Variants in ITGA11 observed in about 807,000 individuals in gnomAD.
The protein encoded by ITGA11 is integrin subunit alpha 11, also known as integrin alpha-11.
Under a neutral mutation model 141.9 loss-of-function variants are expected in ITGA11, and 97 were observed. The observed-to-expected ratio is 0.68, with a 90% CI of 0.58 to 0.81. ITGA11 has a LOEUF of 0.81. ITGA11 is among the 30% of genes least tolerant of loss of function. ITGA11 has a pLI of 0.00. For missense variants in ITGA11, 1,387 were observed against 1,559.2 expected (o/e 0.89, Z 1.86); for synonymous variants, 658 against 624.6 (o/e 1.05, Z -0.80).
Position 68,311,294 on chromosome 15 carries a change from T to A in ITGA11, c.3083A>T (p.Asp1028Val), listed in dbSNP as rs371943841. The A allele has an allele frequency of 7.0e-6, 11 of 1,561,112 alleles. No homozygotes were observed. In the African/African-American group the frequency reaches 1.5e-4, roughly 21 times the overall value. ...RLLKLRDFLT[D>V]EANTSCNIWG... The stretch of plus-strand genomic sequence containing the variant: ...GGCTCCCAAGGCCATCACCACCTCG[T>A]CCGTGAGGAAGTCCCTCAGCTTCAG... The change falls in exon 25 of 30, where the codon GAC becomes GTC. Residue 1028 changes from aspartate (D) to valine (V), a missense_variant. Asp to Val is a radical substitution (Grantham distance 152). Coordinates refer to ENST00000315757, the MANE Select transcript of ITGA11 (RefSeq NM_001004439.2).
chr15:68,344,553 G>C (rs1239973265), intron 10 of ITGA11, among the ~76,000 whole-genome samples: 1 of 152,050 alleles, frequency 6.6e-6, no homozygotes, highest in Non-Finnish European at 1.5e-5. Flanking sequence ...TAGCTCATCT[G>C]GGATGTTTAT....
intron 2 of ITGA11, among the ~76,000 whole-genome samples, chr15:68,378,451 C>T (rs2140372805): frequency 6.6e-6 from 1 of 152,090 alleles, no homozygotes; most frequent in South Asian, 2.1e-4. Flanking sequence ...TCAAGAGCAG[C>T]CTGGGCAACA....
rs542743258 is a variant in ITGA11 at position 68,325,850 on chromosome 15, T to C, written c.2212-609A>G. Among the ~76,000 whole-genome samples the C allele has an allele frequency of 2.6e-5, 4 of 152,298 alleles. No individual in the cohort carries two copies. In the East Asian group the frequency reaches 7.7e-4, roughly 29 times the overall value. Reference sequence around the variant, plus strand: ...CCCCTTGGAACCTGCAATCCCTGATTATATAAAGGCAGTGGCTGTCAAACC... The same window carrying C: ...CCCCTTGGAACCTGCAATCCCTGATCATATAAAGGCAGTGGCTGTCAAACC... On this transcript the variant is annotated intron_variant, in intron 17 of 29. Coordinates refer to ENST00000315757, the MANE Select transcript of ITGA11 (RefSeq NM_001004439.2). The surrounding 1 kb of genome is among the most constrained non-coding windows in gnomAD (Gnocchi z 5.5).
chr15:68,426,237 A>T (rs1233542862), intron 1 of ITGA11, among the ~76,000 whole-genome samples: 1 of 152,192 alleles, frequency 6.6e-6, no homozygotes, highest in East Asian at 1.9e-4. Flanking sequence ...AGAACACATC[A>T]CGTTGTCATC....
intron 2 of ITGA11, among the ~76,000 whole-genome samples, chr15:68,375,694 C>T (rs1338290301): frequency 1.3e-5 from 2 of 152,204 alleles, no homozygotes; most frequent in East Asian, 1.9e-4. Context: ...ACTCTCCCTC[C>T]ATAAAGTCCT....
intron 1 of ITGA11, among the ~76,000 whole-genome samples, chr15:68,421,638 A>G (rs982077936): frequency 3.3e-4 from 45 of 137,094 alleles, no homozygotes; most frequent in Non-Finnish European, 4.9e-4. Flanking sequence ...TTTTGGGCTG[A>G]GCAGAGTGGG....
intron 1 of ITGA11, among the ~76,000 whole-genome samples, chr15:68,426,054 G>A (rs548488184): frequency 5.5e-4 from 84 of 152,368 alleles, no homozygotes; most frequent in South Asian, 2.7e-3. Flanking sequence ...GCTGGGGTAG[G>A]GGGTATCTGA....
At chr15:68,318,310 G>C (rs1893664964) in intron 20 of ITGA11, among the ~76,000 whole-genome samples, 1 of 152,184 alleles carries the variant, frequency 6.6e-6, no homozygotes, top group Non-Finnish European at 1.5e-5. Flanking sequence ...CTATCTCCAT[G>C]ATTCCCTCCC....
At chr15:68,350,928 T>C (rs893673841) in intron 8 of ITGA11, 146 bp from the exon 9 acceptor site, 1 of 798,722 alleles carries the variant, frequency 1.3e-6, no homozygotes, top group Non-Finnish European at 2.0e-6. Context: ...CATTTGCATT[T>C]GGAATGGACT....
chr15:68,303,126 C>A lies in ITGA11; in HGVS notation c.3500G>T (p.Gly1167Val). ...ALLVLALWKL[G>V]FFRSARRRRE... ...CCTGCGCCTGGCACTTCTAAAGAAG[C>A]CGAGCTGTGAGGAGGCAAAGGGAGA... Residue 1167 changes from glycine to valine, a missense_variant, in exon 30 of 30, where the codon GGC (glycine) becomes GTC (valine). By Grantham distance (109) the Gly-to-Val change is moderately radical. Transcript: ENST00000315757. This position sits in a 1 kb window ranked among gnomAD's most constrained non-coding sequence, Gnocchi z 5.3. The A allele has an allele frequency of 1.9e-6, 3 of 1,551,372 alleles. No homozygotes were observed.
At chr15:68,337,373 G>A (rs1474242010) in intron 11 of ITGA11, among the ~76,000 whole-genome samples, 1 of 152,134 alleles carries the variant, frequency 6.6e-6, no homozygotes, top group Non-Finnish European at 1.5e-5. Context: ...AATTTATACT[G>A]CACCCCCAGT....
intron 6 of ITGA11, 71 bp from the exon 7 acceptor site, chr15:68,357,370 G>A: frequency 1.9e-6 from 3 of 1,538,610 alleles, no homozygotes; most frequent in South Asian, 2.5e-5. Context: ...ATTTGAGAGT[G>A]AGGATCCCCG....
rs780346477 is a variant in ITGA11, at chr15:68,358,512, C to G, written c.546G>C (p.Gln182His). ...SNSIYPWVEV[Q>H]HFLINILKKF... ...TTTTCAGGATGTTGATGAGGAAGTG[C>G]TGAACCTCCACCCAGGGGTAGATGC... The change falls in exon 6 of 30, where the codon CAG (glutamine) becomes CAC (histidine). Residue 182 changes from glutamine to histidine, a missense_variant. Transcript: ENST00000315757. 1.9e-6 allele frequency: 3 copies of G among 1,614,118 alleles called. No individual in the cohort carries two copies. Among genetic ancestry groups the G allele is most frequent in the Non-Finnish European group, 2.5e-6 (3 of 1,179,996 alleles).
intron 26 of ITGA11, among the ~76,000 whole-genome samples, chr15:68,310,332 C>T (rs1163081843): frequency 6.6e-6 from 1 of 152,144 alleles, no homozygotes; most frequent in African/African-American, 2.4e-5. Flanking sequence ...CCCAACCCAG[C>T]CTAAATCTTT....
rs1444142229 is a variant in ITGA11 at position 68,303,723 on chromosome 15, G to A, written c.3495+49C>T. Reference sequence around the variant, plus strand: ...CGAAGTTCCAGGGGCTGGAGCCTGGGCCCACCAGCCAGGATGCTGCTCCTT... The same window carrying A: ...CGAAGTTCCAGGGGCTGGAGCCTGGACCCACCAGCCAGGATGCTGCTCCTT... On this transcript the variant is annotated intron_variant, in intron 29 of 29. Coordinates refer to ENST00000315757, the MANE Select transcript of ITGA11 (RefSeq NM_001004439.2). The surrounding 1 kb of genome is among the most constrained non-coding windows in gnomAD (Gnocchi z 5.3). 1 of 1,333,102 alleles carries A rather than the reference G, an allele frequency of 7.5e-7. No homozygotes were observed. 82.6% of individuals were successfully genotyped at this position (1,333,102 alleles called of 1,614,324 possible).
intron 23 of ITGA11, among the ~76,000 whole-genome samples, chr15:68,313,116 C>T (rs779710009): frequency 4.6e-5 from 7 of 152,214 alleles, no homozygotes; most frequent in Non-Finnish European, 7.3e-5. Context: ...TATCTCATCC[C>T]TGCCCCAGCG....
chr15:68,312,613 C>A (rs1893426600), intron 24 of ITGA11, among the ~76,000 whole-genome samples, 160 bp downstream of exon 24: 2 of 152,124 alleles, frequency 1.3e-5, no homozygotes, highest in South Asian at 4.1e-4. Flanking sequence ...ACTGAGAGGC[C>A]CAGAGAGGAG....
rs141802420 is a variant in ITGA11 at position 68,419,520 on chromosome 15, G to A, written c.52+12495C>T. On this transcript the variant is annotated intron_variant, in intron 1 of 29. Coordinates refer to ENST00000315757, the MANE Select transcript of ITGA11 (RefSeq NM_001004439.2). Reference sequence around the variant, plus strand: ...GACCCCTCATGAACCTGTGGATGAGGAAGGGCCAACCCCGTACTGAGTGTA... The same window carrying A: ...GACCCCTCATGAACCTGTGGATGAGAAAGGGCCAACCCCGTACTGAGTGTA... Among the ~76,000 whole-genome samples, 110 of 152,314 alleles carry A rather than the reference G, an allele frequency of 7.2e-4. 1 individual carries two copies. The East Asian group carries it at 0.015, about 21-fold the overall frequency.
chr15:68,311,139 A>G (rs948968309), intron 25 of ITGA11, 59 bp from the exon 26 acceptor site: 4 of 1,408,584 alleles, frequency 2.8e-6, no homozygotes, highest in Non-Finnish European at 4.0e-6. Flanking sequence ...GCTCTGGCAG[A>G]CGCAGGATCC....
Sources: gnomAD v4.1 joint callset for allele counts (sites outside exome capture counted in the v4.1 genomes callset) on GRCh38, gnomAD v4.1.1 for gene constraint, Gnocchi (gnomAD v3.1) non-coding constraint, MANE v1.5 for transcripts, NCBI Gene and HGNC (gene_info 2026-07-23, HGNC 2026-07-21) for gene names.